The following ASMT variants were observed in gnomAD, a reference collection of about 807,000 sequenced individuals.
ASMT encodes the protein acetylserotonin O-methyltransferase.
Under a neutral mutation model 41.3 loss-of-function variants are expected in ASMT, and 53 were observed. The ratio of observed to expected loss-of-function variants is 1.28; its 90% CI spans 1.03 to 1.61. The LOEUF (loss-of-function observed/expected upper bound fraction) is 1.61. Among genes scored for constraint, ASMT ranks in the 40% most tolerant of loss-of-function variants. The pLI, the probability that ASMT is intolerant of heterozygous loss-of-function variation, is 0.00. For missense variants in ASMT, 531 were observed against 441.3 expected (o/e 1.20, Z -1.82); for synonymous variants, 231 against 184.8 (o/e 1.25, Z -2.03).
At chrX:1,641,914 G>C (rs1379298939) in intron 8 of ASMT, among the ~76,000 whole-genome samples, 1 of 149,418 alleles carries the variant, frequency 6.7e-6, no homozygotes, top group Non-Finnish European at 1.5e-5. Flanking sequence ...TGGTCCATGA[G>C]GATGTGGGCA....
chrX:1,623,412 C>A (rs1156679823), intron 2 of ASMT, 99 bp downstream of exon 2: 5 of 1,436,778 alleles, frequency 3.5e-6, no homozygotes, highest in Non-Finnish European at 4.9e-6. Flanking sequence ...CTGGCTCACA[C>A]AGTGAAACCC....
intron 8 of ASMT, among the ~76,000 whole-genome samples, chrX:1,640,573 T>C (rs1218646520): frequency 2.8e-4 from 13 of 46,198 alleles, no homozygotes; most frequent in East Asian, 1.9e-3. Flanking sequence ...GTGAGATCCA[T>C]CCATCCTGAT....
At chrX:1,618,600 T>C (rs1934223232) in intron 1 of ASMT, among the ~76,000 whole-genome samples, 1 of 146,794 alleles carries the variant, frequency 6.8e-6, no homozygotes, top group Admixed American at 6.8e-5. Context: ...GACATCCAGC[T>C]AATTTTTTGT....
rs147022675 is a variant in ASMT at position 1,637,380 on chromosome X, C to T, written c.910+820C>T. Among the ~76,000 whole-genome samples, 3 of 1,442 alleles carry T rather than the reference C, an allele frequency of 2.1e-3. 1 individual carries two copies. Among genetic ancestry groups the T allele is most frequent in the Non-Finnish European group, 2.0e-3 (2 of 990 alleles). The allele number at this position is 1,442 out of a possible 152,430, so 0.9% of individuals were successfully genotyped here. A position where few individuals can be genotyped will look rare whatever the true frequency, so the allele number is the denominator to read the frequency against. On this transcript the variant is annotated intron_variant, in intron 8 of 8. Coordinates refer to ENST00000381241, the MANE Select transcript of ASMT (RefSeq NM_001171038.2). ...GAGATCCATCCCTCCTGATGCTTCA[C>T]GAGGACGTGGGCACAGCCTCTGTGT...
chrX:1,624,134 A>T, intron 2 of ASMT, 135 bp from the exon 3 acceptor site: 1 of 1,237,582 alleles, frequency 8.1e-7, no homozygotes, highest in Non-Finnish European at 1.2e-6. Context: ...ACAAGGCAAG[A>T]GGAAGACCCC....
At chrX:1,621,381 G>A (rs182674019) in intron 1 of ASMT, among the ~76,000 whole-genome samples, 2,081 of 151,608 alleles carry the variant, frequency 0.014, 44 homozygotes, top group African/African-American at 0.048. Context: ...GCAGTGGCGC[G>A]ATCTTGGCTC....
intron 1 of ASMT, among the ~76,000 whole-genome samples, chrX:1,616,313 G>C (rs1185896232): frequency 3.3e-5 from 5 of 151,446 alleles, no homozygotes; most frequent in African/African-American, 1.2e-4. Context: ...TCTTCTCACA[G>C]AATAACATCG....
chrX:1,616,143 T>C (rs138120528), intron 1 of ASMT, among the ~76,000 whole-genome samples: 12,348 of 148,132 alleles, frequency 0.083, 1,672 homozygotes, highest in African/African-American at 0.25. Flanking sequence ...ATTCTCCTGC[T>C]TCAGCCTCCC....
At chrX:1,628,918 G>C (rs6588805) in intron 4 of ASMT, among the ~76,000 whole-genome samples, 8 of 146,314 alleles carry the variant, frequency 5.5e-5, no homozygotes, top group Admixed American at 1.4e-4. Flanking sequence ...CCTTTCCCCC[G>C]TTTCTCTCTT....
rs1292534792 is a variant in ASMT, at chrX:1,629,854, T to C, written c.477T>C (p.Ala159=). The C allele has an allele frequency of 6.2e-7, 1 of 1,613,938 alleles. No homozygotes were observed. Residue 159 remains alanine, a synonymous_variant, in exon 5 of 9, where the codon GCT becomes GCC. Coordinates refer to ENST00000381241, the MANE Select transcript of ASMT (RefSeq NM_001171038.2). ...GCGAGCGGCTACAGTTCATGCAAGC[T>C]CTGCAGGAGGTCTGGAGCGTCAACG... The part of the protein sequence containing the change: ...SEGERLQFMQ[A]LQEVWSVNGR...
In ASMT at chrX:1,616,823, C is replaced by G. The variant is rs1432096525; in HGVS notation, c.69+1555C>G. ...TCCCAGGTTCACGCCATTCTCCTGC[C>G]TCAGCCTCCCGAGTAGCTGGGATTA... On this transcript the variant is annotated intron_variant, in intron 1 of 8. Transcript: ENST00000381241. 2.7e-5 allele frequency among the ~76,000 whole-genome samples: 4 copies of G among 146,390 alleles called. No homozygotes were observed. The East Asian group carries it at 7.8e-4, about 28-fold the overall frequency.
At chrX:1,632,814 G>A (rs1220148298) in intron 6 of ASMT, 27 bp downstream of exon 6, 1 of 461,522 alleles carries the variant, frequency 2.2e-6, no homozygotes. Context: ...GAGACCACAT[G>A]GACACAGGGA....
At chrX:1,631,796 TCC>T (rs1934787447) in intron 5 of ASMT, among the ~76,000 whole-genome samples, 1 of 151,972 alleles carries the variant, frequency 6.6e-6, no homozygotes, top group African/African-American at 2.4e-5. Flanking sequence ...ATGCCTGTAA[TCC>T]CAGCACTTTG....
At chrX:1,636,765 G>A (rs1934981616) in intron 8 of ASMT, 2 of 302,446 alleles carry the variant, frequency 6.6e-6, no homozygotes, top group Non-Finnish European at 9.7e-6. Context: ...GATGGAAAAA[G>A]TGAAAGGCCC....
chrX:1,621,019 G>A (rs1242746636), intron 1 of ASMT, among the ~76,000 whole-genome samples: 1 of 151,740 alleles, frequency 6.6e-6, no homozygotes, highest in African/African-American at 2.4e-5. Flanking sequence ...TCACTTGAAC[G>A]CGGGAGGCGT....
At chrX:1,623,907 C>T (rs1934427301) in intron 2 of ASMT, among the ~76,000 whole-genome samples, 1 of 152,092 alleles carries the variant, frequency 6.6e-6, no homozygotes, top group African/African-American at 2.4e-5. Context: ...CCTCGGCCTC[C>T]CTAAGCGCTG....
At chrX:1,632,176 C>A (rs1183227989) in intron 5 of ASMT, among the ~76,000 whole-genome samples, 1 of 152,166 alleles carries the variant, frequency 6.6e-6, no homozygotes, top group African/African-American at 2.4e-5. Flanking sequence ...CTTGTTATTA[C>A]ATCCTTCTCT....
At position 1,629,807 on chromosome X, in the gene ASMT, G is replaced by C. The variant is rs201563498; in HGVS notation, c.444-14G>C. On this transcript the variant is annotated splice_polypyrimidine_tract_variant and intron_variant, in intron 4 of 8. Coordinates refer to ENST00000381241, the MANE Select transcript of ASMT (RefSeq NM_001171038.2). ...GATCCTCACCATCTTGACAAGCGTG[G>C]TTTTGCATGCCAGGTCCGAGGGCGA... is the stretch of plus-strand genomic sequence containing the variant. 6.8e-6 allele frequency: 11 copies of C among 1,613,530 alleles called. No individual in the cohort carries two copies. In the East Asian group the frequency reaches 2.2e-4, roughly 33 times the overall value.
chrX:1,626,930 G>A (rs1429059589), intron 3 of ASMT, among the ~76,000 whole-genome samples: 1 of 151,808 alleles, frequency 6.6e-6, no homozygotes, highest in Admixed American at 6.6e-5. Context: ...TCGGGAGGTT[G>A]AGGCAGGAGA....
Sources: allele counts gnomAD v4.1 joint callset (sites outside exome capture counted in the v4.1 genomes callset), GRCh38; gene constraint gnomAD v4.1.1; transcripts MANE v1.5; gene names NCBI Gene and HGNC (gene_info 2026-07-23, HGNC 2026-07-21).